The following USP25 variants were observed in gnomAD, a reference collection of about 807,000 sequenced individuals.
USP25 encodes the protein ubiquitin carboxyl-terminal hydrolase 25.
USP25 carries 85 observed loss-of-function variants against 158.5 expected under a neutral mutation model. The observed-to-expected ratio is 0.54, with a 90% CI of 0.45 to 0.64. The LOEUF is 0.64. Ranked by LOEUF, USP25 falls within the 30% of genes least tolerant of loss-of-function variation. USP25 has a pLI of 0.00. For synonymous variants in USP25, 464 were observed against 460.4 expected (o/e 1.01, Z -0.10); for missense variants, 1,242 against 1,327.3 (o/e 0.94, Z 1.00).
intron 1 of USP25, among the ~76,000 whole-genome samples, chr21:15,750,158 T>C (rs917498114): frequency 6.0e-5 from 9 of 151,116 alleles, no homozygotes; most frequent in Non-Finnish European, 1.3e-4. Context: ...TAATCAATTA[T>C]ACTTTAATGA....
intron 1 of USP25, among the ~76,000 whole-genome samples, chr21:15,762,436 A>G (rs1024356983): frequency 3.3e-5 from 5 of 152,184 alleles, no homozygotes; most frequent in African/African-American, 1.2e-4. Flanking sequence ...GACAGATTGG[A>G]CAGTGAAATG....
At chr21:15,853,411 G>A (rs948437949) in intron 20 of USP25, among the ~76,000 whole-genome samples, 12 of 152,046 alleles carry the variant, frequency 7.9e-5, no homozygotes, top group Non-Finnish European at 1.8e-4. Context: ...CTCATTTCTT[G>A]TATCTTACCC....
intron 1 of USP25, chr21:15,745,060 CCTT>C (rs1356975252): frequency 8.5e-5 from 13 of 152,364 alleles, no homozygotes; most frequent in East Asian, 1.9e-4. Flanking sequence ...CCTTCCCACT[CCTT>C]CTTTTCCTGA....
intron 4 of USP25, among the ~76,000 whole-genome samples, chr21:15,788,045 A>G (rs1169858160): frequency 2.6e-5 from 4 of 151,980 alleles, no homozygotes; most frequent in Non-Finnish European, 5.9e-5. Flanking sequence ...TATATTGCTT[A>G]CTACCAAGGT....
intron 22 of USP25, 81 bp downstream of exon 22, chr21:15,866,425 G>A (rs2039663564): frequency 1.9e-6 from 2 of 1,073,442 alleles, no homozygotes; most frequent in Non-Finnish European, 2.6e-6. Flanking sequence ...CAGCCCAACT[G>A]AAGTTGAATT....
At chr21:15,850,145 A>G (rs1293417758) in intron 20 of USP25, among the ~76,000 whole-genome samples, 3 of 152,020 alleles carry the variant, frequency 2.0e-5, no homozygotes, top group Non-Finnish European at 4.4e-5. Flanking sequence ...TTTGAATTGT[A>G]TTTTTTATTT....
intron 24 of USP25, 80 bp downstream of exon 24, chr21:15,874,606 G>A (rs2040026547): frequency 3.6e-6 from 5 of 1,396,702 alleles, no homozygotes; most frequent in Non-Finnish European, 4.8e-6. Flanking sequence ...ATAAGTGATT[G>A]ACTCCATAAA....
chr21:15,740,244 C>T (rs1267110257), intron 1 of USP25, among the ~76,000 whole-genome samples: 1 of 152,214 alleles, frequency 6.6e-6, no homozygotes, highest in Non-Finnish European at 1.5e-5. Flanking sequence ...TTCTTCTGCA[C>T]TTAATGTTTG....
intron 4 of USP25, 125 bp from the exon 5 acceptor site, chr21:15,791,377 A>G (rs929698006): frequency 9.6e-7 from 1 of 1,043,732 alleles, no homozygotes; most frequent in Non-Finnish European, 1.3e-6. Flanking sequence ...TAAAGTTAGT[A>G]TTAAATATTA....
chr21:15,811,317 T>G (rs2036651530), intron 9 of USP25, 107 bp downstream of exon 9: 4 of 982,306 alleles, frequency 4.1e-6, no homozygotes, highest in Non-Finnish European at 3.0e-6. Flanking sequence ...TAATTTGATA[T>G]ATTCTGTCTA....
At chr21:15,737,128 A>G (rs2031597038) in intron 1 of USP25, among the ~76,000 whole-genome samples, 1 of 152,034 alleles carries the variant, frequency 6.6e-6, no homozygotes, top group Non-Finnish European at 1.5e-5. Context: ...TTTGGATTTT[A>G]TACGTCACTT....
Position 15,826,402 on chromosome 21 carries a change from C to A in USP25, c.1466+37C>A. On this transcript the variant is annotated intron_variant, in intron 13 of 25. Transcript: ENST00000400183. This position sits in a 1 kb window ranked among gnomAD's most constrained non-coding sequence, Gnocchi z 4.8. The stretch of plus-strand genomic sequence containing the variant: ...TCCTGATGCAAGAGACAGTTGTTAC[C>A]TTTATTACACAATAATGTAACTGCT... 1 of 1,603,602 alleles carries A rather than the reference C, an allele frequency of 6.2e-7. No homozygotes were observed. The highest frequency in any genetic ancestry group is 1.1e-5 in the South Asian group (1 of 89,922).
intron 22 of USP25, among the ~76,000 whole-genome samples, chr21:15,867,687 C>T (rs1267288562): frequency 6.6e-6 from 1 of 151,932 alleles, no homozygotes; most frequent in Non-Finnish European, 1.5e-5. Flanking sequence ...AAACTTGTGT[C>T]AGACATCAAT....
At chr21:15,740,397 TTG>T (rs1342751243) in intron 1 of USP25, among the ~76,000 whole-genome samples, 2 of 152,092 alleles carry the variant, frequency 1.3e-5, no homozygotes, top group Admixed American at 6.6e-5. Flanking sequence ...TGAACGGACA[TTG>T]TTTTTTTTTG....
At chr21:15,792,146 A>G (rs2035621956) in intron 5 of USP25, among the ~76,000 whole-genome samples, 1 of 151,780 alleles carries the variant, frequency 6.6e-6, no homozygotes, top group African/African-American at 2.4e-5. Context: ...TGCATGTGAA[A>G]TGATGTGATG....
chr21:15,737,845 C>T (rs7283061), intron 1 of USP25, among the ~76,000 whole-genome samples: 34,771 of 148,792 alleles, frequency 0.23, 5,378 homozygotes, highest in African/African-American at 0.45. Context: ...TTTTTTTTTT[C>T]CCTTCAGATT....
intron 20 of USP25, among the ~76,000 whole-genome samples, chr21:15,862,622 C>CT (rs2146547350): frequency 7.2e-6 from 1 of 139,822 alleles, no homozygotes; most frequent in Admixed American, 7.2e-5. Flanking sequence ...TTAAAGAGCT[C>CT]TAAGAGAAGC....
intron 1 of USP25, among the ~76,000 whole-genome samples, chr21:15,748,384 C>A (rs2032726074): frequency 6.6e-6 from 1 of 151,666 alleles, no homozygotes; most frequent in South Asian, 2.1e-4. Context: ...TGGACCCACA[C>A]TATCCTCCCT....
chr21:15,860,155 T>TTTTG (rs774132353), intron 20 of USP25, among the ~76,000 whole-genome samples: 1 of 151,650 alleles, frequency 6.6e-6, no homozygotes, highest in Non-Finnish European at 1.5e-5. Flanking sequence ...ACCCAGCTAA[T>TTTTG]TTTGTTTGTT....
Sources: allele counts gnomAD v4.1 joint callset (sites outside exome capture counted in the v4.1 genomes callset), GRCh38; gene constraint gnomAD v4.1.1; non-coding constraint Gnocchi (gnomAD v3.1); transcripts MANE v1.5; gene names NCBI Gene and HGNC (gene_info 2026-07-23, HGNC 2026-07-21).